The following NTM variants were observed in gnomAD, a reference collection of about 807,000 sequenced individuals.
NTM encodes the protein neurotrimin, also known as IgLON family member 2.
NTM carries 13 observed loss-of-function variants against 42.1 expected under a neutral mutation model. The ratio of observed to expected loss-of-function variants is 0.31; its 90% CI spans 0.20 to 0.49. The LOEUF is 0.49. Ranked by LOEUF, NTM falls within the 20% of genes least tolerant of loss-of-function variation. The pLI is 0.99. For missense variants in NTM, 373 were observed against 452.8 expected, an observed-to-expected ratio of 0.82 and a Z score of 1.60; for synonymous variants, 187 against 179.2, an observed-to-expected ratio of 1.04 and a Z score of -0.35.
At chr11:131,668,557 A>G (rs1266602718) in intron 1 of NTM, among the ~76,000 whole-genome samples, 3 of 152,122 alleles carry the variant, frequency 2.0e-5, no homozygotes, top group African/African-American at 7.2e-5. Flanking sequence ...GCAGGATATA[A>G]TGAGTCTAAA....
intron 2 of NTM, among the ~76,000 whole-genome samples, chr11:131,940,675 G>A (rs1386853641): frequency 2.0e-5 from 3 of 152,170 alleles, no homozygotes; most frequent in Admixed American, 1.3e-4. Context: ...TTTGGGATGA[G>A]ACTGTCTTTT....
chr11:131,925,417 C>T (rs576342608), intron 2 of NTM, among the ~76,000 whole-genome samples: 10 of 137,022 alleles, frequency 7.3e-5, no homozygotes, highest in Admixed American at 5.5e-4. Context: ...CAGGGTCTCG[C>T]TCTGTCACCC....
intron 4 of NTM, among the ~76,000 whole-genome samples, chr11:132,266,393 C>T (rs1034677144): frequency 2.0e-5 from 3 of 152,114 alleles, no homozygotes; most frequent in Non-Finnish European, 2.9e-5. Context: ...CATCTGAGGC[C>T]GCCTCATTAC....
intron 1 of NTM, among the ~76,000 whole-genome samples, chr11:131,452,231 C>G (rs1565514945): frequency 6.6e-6 from 1 of 152,248 alleles, no homozygotes; most frequent in South Asian, 2.1e-4. Context: ...CCTGGACTCC[C>G]AAACTGCTGT....
chr11:131,375,227 G>A (rs1159481320), intron 1 of NTM, among the ~76,000 whole-genome samples: 1 of 152,122 alleles, frequency 6.6e-6, no homozygotes, highest in Non-Finnish European at 1.5e-5. Flanking sequence ...GCCGGGGAGC[G>A]ACTCCCCTGG....
chr11:132,177,156 C>T (rs1437413061), intron 3 of NTM, among the ~76,000 whole-genome samples: 10 of 152,188 alleles, frequency 6.6e-5, no homozygotes. Context: ...TGATTATCAG[C>T]ATTTTAAATG....
intron 4 of NTM, among the ~76,000 whole-genome samples, chr11:132,246,834 A>G (rs2091248719): frequency 6.6e-6 from 1 of 152,218 alleles, no homozygotes; most frequent in Non-Finnish European, 1.5e-5. Context: ...CCTTGAGAAC[A>G]AAGCTCAGCA....
chr11:131,657,532 A>G (rs749223767), intron 1 of NTM, among the ~76,000 whole-genome samples: 15 of 152,210 alleles, frequency 9.9e-5, no homozygotes, highest in South Asian at 2.1e-4. Flanking sequence ...TATTAGCACC[A>G]AAATAGAAGA....
chr11:132,065,188 T>C (rs1381901037), intron 2 of NTM, among the ~76,000 whole-genome samples: 1 of 152,158 alleles, frequency 6.6e-6, no homozygotes, highest in Non-Finnish European at 1.5e-5. Flanking sequence ...TTGAACATTG[T>C]GACATTTCAT....
chr11:131,449,534 G>A (rs1440745594), intron 1 of NTM, among the ~76,000 whole-genome samples: 1 of 152,218 alleles, frequency 6.6e-6, no homozygotes, highest in Non-Finnish European at 1.5e-5. Context: ...GGATTATGCT[G>A]TAGGGAGGAG....
intron 1 of NTM, among the ~76,000 whole-genome samples, chr11:131,735,627 T>A (rs548378411): frequency 1.5e-4 from 23 of 152,332 alleles, no homozygotes; most frequent in Non-Finnish European, 2.9e-4. Flanking sequence ...AATACATCAC[T>A]GAGTTCTACC....
chr11:131,687,973 G>A (rs2074120674), intron 1 of NTM, among the ~76,000 whole-genome samples: 1 of 152,264 alleles, frequency 6.6e-6, no homozygotes, highest in Non-Finnish European at 1.5e-5. Flanking sequence ...GGCCTCTGGA[G>A]TCGTTGATGG....
At chr11:131,426,053 T>G (rs1167373044) in intron 1 of NTM, among the ~76,000 whole-genome samples, 2 of 152,128 alleles carry the variant, frequency 1.3e-5, no homozygotes, top group African/African-American at 4.8e-5. Flanking sequence ...CCACGCCTGC[T>G]GGGAGGTTGC....
chr11:131,844,470 G>A (rs1031841338), intron 1 of NTM, among the ~76,000 whole-genome samples: 3 of 151,994 alleles, frequency 2.0e-5, no homozygotes, highest in Non-Finnish European at 2.9e-5. Context: ...TTTGTTCATC[G>A]CTCTAAAATT....
intron 1 of NTM, among the ~76,000 whole-genome samples, chr11:131,838,765 A>C (rs2136645206): frequency 6.6e-6 from 1 of 152,322 alleles, no homozygotes; most frequent in South Asian, 2.1e-4. Context: ...TATAAACTAT[A>C]GAATAAGAAT....
At chr11:131,640,736 A>G (rs1189184123) in intron 1 of NTM, among the ~76,000 whole-genome samples, 32 of 152,264 alleles carry the variant, frequency 2.1e-4, no homozygotes, top group Admixed American at 2.1e-3. Context: ...TCCTTGTCCC[A>G]CCCACTCTAA....
chr11:131,644,800 A>AGTTTT (rs113773961), intron 1 of NTM, among the ~76,000 whole-genome samples: 37 of 151,668 alleles, frequency 2.4e-4, no homozygotes, highest in African/African-American at 7.5e-4. Context: ...AAGGGAATTT[A>AGTTTT]GTTTTGTTTT....
chr11:131,545,393 TCTTTC>T (rs1414142285), intron 1 of NTM, among the ~76,000 whole-genome samples: 4 of 152,190 alleles, frequency 2.6e-5, no homozygotes, highest in Non-Finnish European at 5.9e-5. Context: ...TTTCTCATTC[TCTTTC>T]CTTTCCTTTT....
intron 4 of NTM, among the ~76,000 whole-genome samples, chr11:132,214,376 G>C (rs2083436689): frequency 6.6e-6 from 1 of 152,066 alleles, no homozygotes; most frequent in Non-Finnish European, 1.5e-5. Context: ...AAGAGGCTCT[G>C]TCTTCTGTTT....
Sources: allele counts gnomAD v4.1 joint callset (sites outside exome capture counted in the v4.1 genomes callset), GRCh38; gene constraint gnomAD v4.1.1; transcripts MANE v1.5; gene names NCBI Gene and HGNC (gene_info 2026-07-23, HGNC 2026-07-21).